RMND5A: variants seen among roughly 807,000 people sequenced by gnomAD.
RMND5A encodes required for meiotic nuclear division 5 homolog A, also known as E3 ubiquitin-protein transferase RMND5A.
Under a neutral mutation model 49.7 loss-of-function variants are expected in RMND5A, and 17 were observed. The ratio of observed to expected loss-of-function variants is 0.34; its 90% CI spans 0.23 to 0.51. RMND5A has a LOEUF of 0.51. RMND5A is among the 20% of genes least tolerant of loss of function. RMND5A has a pLI of 0.96. For synonymous variants in RMND5A, 156 were observed against 167.7 expected (o/e 0.93, Z 0.54); for missense variants, 255 against 471.3 (o/e 0.54, Z 4.25).
At chr2:86,769,351 A>G (rs971510329) in intron 6 of RMND5A, among the ~76,000 whole-genome samples, 1 of 152,224 alleles carries the variant, frequency 6.6e-6, no homozygotes, top group African/African-American at 2.4e-5. Flanking sequence ...TTTGAGTATC[A>G]TTGTTCTAAT....
intron 4 of RMND5A, among the ~76,000 whole-genome samples, chr2:86,762,058 T>C (rs1035162194): frequency 6.6e-5 from 10 of 152,218 alleles, no homozygotes; most frequent in Non-Finnish European, 1.2e-4. Flanking sequence ...TTAAGAAATT[T>C]TACTTTTACA....
At chr2:86,755,757 C>T (rs900920975) in intron 4 of RMND5A, among the ~76,000 whole-genome samples, 9 of 152,022 alleles carry the variant, frequency 5.9e-5, no homozygotes, top group African/African-American at 1.9e-4. Context: ...TATTTGTTGC[C>T]TTAAAACAAT....
At chr2:86,747,228 A>G (rs1681552911) in intron 2 of RMND5A, among the ~76,000 whole-genome samples, 1 of 152,228 alleles carries the variant, frequency 6.6e-6, no homozygotes, top group Non-Finnish European at 1.5e-5. Flanking sequence ...GGTGTGAAGT[A>G]GTATCTAGTT....
intron 1 of RMND5A, among the ~76,000 whole-genome samples, chr2:86,735,114 G>A (rs1366554632): frequency 2.0e-5 from 3 of 152,152 alleles, no homozygotes; most frequent in African/African-American, 7.3e-5. Context: ...ATAATCCATT[G>A]TTTATCCATT....
Position 86,771,542 on chromosome 2 carries a change from T to TA in RMND5A, c.958-16_958-15insA. Reference sequence around the variant, plus strand: ...TATGACTTCAGCTTTTTTACTTTTTTTTTTTTTTTTAACAGATTGAAGTGG... The same window carrying TA: ...TATGACTTCAGCTTTTTTACTTTTTTATTTTTTTTTTAACAGATTGAAGTGG... On this transcript the variant is annotated splice_polypyrimidine_tract_variant and intron_variant, in intron 7 of 8. Transcript: ENST00000283632. The TA allele has an allele frequency of 6.3e-7, 1 of 1,584,492 alleles. No individual in the cohort carries two copies. Among genetic ancestry groups the TA allele is most frequent in the Non-Finnish European group, 8.5e-7 (1 of 1,170,226 alleles).
intron 1 of RMND5A, among the ~76,000 whole-genome samples, chr2:86,721,746 TGA>T (rs1220264679): frequency 6.6e-6 from 1 of 151,040 alleles, no homozygotes; most frequent in Admixed American, 6.6e-5. Context: ...AATAAGAGGC[TGA>T]GGGGGCTTTT....
At chr2:86,720,885 C>T in intron 1 of RMND5A, 76 bp downstream of exon 1, 1 of 1,376,796 alleles carries the variant, frequency 7.3e-7, no homozygotes, top group Non-Finnish European at 9.6e-7. Flanking sequence ...GCGGGAATCC[C>T]TCACCCACCC....
At chr2:86,756,790 A>G (rs1027689354) in intron 4 of RMND5A, among the ~76,000 whole-genome samples, 7 of 152,176 alleles carry the variant, frequency 4.6e-5, no homozygotes, top group Admixed American at 1.3e-4. Flanking sequence ...GAAGGATATC[A>G]TGGAGCTCAC....
chr2:86,751,173 T>C (rs1681627563), intron 2 of RMND5A, among the ~76,000 whole-genome samples: 1 of 152,220 alleles, frequency 6.6e-6, no homozygotes, highest in Admixed American at 6.5e-5. Context: ...TAGCAGGCAA[T>C]CAACCTTGTT....
chr2:86,729,386 A>T (rs2104384644), intron 1 of RMND5A, among the ~76,000 whole-genome samples: 1 of 151,448 alleles, frequency 6.6e-6, no homozygotes, highest in South Asian at 2.1e-4. Context: ...AGTAGTTATT[A>T]ATCACCATTT....
At chr2:86,768,561 G>A (rs1295730955) in intron 6 of RMND5A, among the ~76,000 whole-genome samples, 1 of 152,228 alleles carries the variant, frequency 6.6e-6, no homozygotes, top group Non-Finnish European at 1.5e-5. Context: ...CTGTATTAGA[G>A]TGGCAACAAG....
chr2:86,763,320 A>G (rs189879187), intron 4 of RMND5A, among the ~76,000 whole-genome samples: 2 of 152,180 alleles, frequency 1.3e-5, no homozygotes, highest in Admixed American at 1.3e-4. Flanking sequence ...ACTCATGCTT[A>G]TATGATTGAA....
At chr2:86,763,124 T>C (rs139333006) in intron 4 of RMND5A, among the ~76,000 whole-genome samples, 414 of 152,208 alleles carry the variant, frequency 2.7e-3, no homozygotes, top group Middle Eastern at 0.01. Flanking sequence ...TGAAAATGAG[T>C]TTTTTTGTGA....
chr2:86,755,184 A>G (rs534953465), intron 4 of RMND5A, among the ~76,000 whole-genome samples: 1 of 151,234 alleles, frequency 6.6e-6, no homozygotes, highest in East Asian at 1.9e-4. Context: ...TGGGATGATC[A>G]TAGCTCACTG....
chr2:86,753,499 T>C lies in RMND5A; in HGVS notation c.462T>C (p.Phe154=), dbSNP rs568134434. 5 of 1,612,184 alleles carry C rather than the reference T, an allele frequency of 3.1e-6. No homozygotes were observed. The African/African-American group carries it at 4.0e-5, about 13-fold the overall frequency. The stretch of plus-strand genomic sequence containing the variant: ...TAGACCCAAGTCAGAAGGAACCATT[T>C]GTGGAGTTAAATAGAATATTAGAGG... ...LSVDPSQKEP[F]VELNRILEAL... is the part of the protein sequence containing the mutation. The change falls in exon 4 of 9, where the codon TTT becomes TTC. Residue 154 remains phenylalanine (F), a synonymous_variant. Transcript: ENST00000283632.
chr2:86,721,230 T>A, intron 1 of RMND5A: 1 of 182,882 alleles, frequency 5.5e-6, no homozygotes, highest in East Asian at 1.7e-4. Flanking sequence ...AGGTTCTGAG[T>A]GATGAGGGCA....
chr2:86,766,291 T>C (rs1391863414), intron 6 of RMND5A, among the ~76,000 whole-genome samples: 1 of 152,172 alleles, frequency 6.6e-6, no homozygotes, highest in African/African-American at 2.4e-5. Flanking sequence ...AGTGGTGGAC[T>C]AAACTGCTAG....
chr2:86,754,880 AT>A (rs1427507004), intron 4 of RMND5A, among the ~76,000 whole-genome samples: 3 of 152,090 alleles, frequency 2.0e-5, no homozygotes, highest in Admixed American at 6.5e-5. Context: ...TTCTGAGAAA[AT>A]TTTGTGTAGT....
intron 6 of RMND5A, 137 bp downstream of exon 6, chr2:86,766,161 T>G: frequency 2.6e-6 from 2 of 769,736 alleles, no homozygotes; most frequent in Non-Finnish European, 4.2e-6. Flanking sequence ...TTTCAAAAGA[T>G]ATCACAATTG....
Sources: allele counts gnomAD v4.1 joint callset (sites outside exome capture counted in the v4.1 genomes callset), GRCh38; gene constraint gnomAD v4.1.1; transcripts MANE v1.5; gene names NCBI Gene and HGNC (gene_info 2026-07-23, HGNC 2026-07-21).